The following USP6NL variants were observed in gnomAD, a reference collection of about 807,000 sequenced individuals.
The protein encoded by USP6NL is USP6 N-terminal like, also known as USP6 N-terminal-like protein.
A neutral mutation model predicts 61.9 loss-of-function variants in USP6NL; 26 were observed. The observed-to-expected ratio is 0.42, with a 90% confidence interval of 0.31 to 0.58. The LOEUF (loss-of-function observed/expected upper bound fraction) is 0.58, where lower values mean the gene tolerates loss of function less well. Among genes scored for constraint, USP6NL ranks in the 20% least tolerant of loss-of-function variants. The pLI, the probability that USP6NL is intolerant of heterozygous loss-of-function variation, is 0.16. For synonymous variants in USP6NL, 432 were observed against 390.1 expected (o/e 1.11, Z -1.27); for missense variants, 1,114 against 1,034.3 (o/e 1.08, Z -1.06).
chr10:11,519,769 A>T (rs1200517544), intron 4 of USP6NL, among the ~76,000 whole-genome samples: 1 of 152,258 alleles, frequency 6.6e-6, no homozygotes, highest in African/African-American at 2.4e-5. Context: ...AATATAAAAT[A>T]TTCTGAGATT....
chr10:11,567,419 T>C (rs1837203473), intron 2 of USP6NL, among the ~76,000 whole-genome samples: 1 of 152,204 alleles, frequency 6.6e-6, no homozygotes, highest in Non-Finnish European at 1.5e-5. Flanking sequence ...TTACAACCTG[T>C]ACTAAATACA....
chr10:11,515,062 G>A (rs1451926401), intron 5 of USP6NL, among the ~76,000 whole-genome samples: 1 of 152,108 alleles, frequency 6.6e-6, no homozygotes, highest in Non-Finnish European at 1.5e-5. Context: ...CTCCTACTGG[G>A]GCAAAGAAGG....
rs536634959 is a variant in USP6NL, at chr10:11,479,634, G to A, written c.1078+2136C>T. On this transcript the variant is annotated intron_variant, in intron 14 of 14. Coordinates refer to ENST00000609104, the MANE Select transcript of USP6NL (RefSeq NM_014688.5). ...TTTGTCGCCCAGGTTGGAGCGCAGT[G>A]ACGCGATCTCAGCTCACTGAAAGCT... Among the ~76,000 whole-genome samples, 62 of 148,314 alleles carry A rather than the reference G, an allele frequency of 4.2e-4. 1 individual carries two copies. In the South Asian group the frequency reaches 0.011, roughly 26 times the overall value.
chr10:11,542,645 G>A (rs1164837508), intron 2 of USP6NL, among the ~76,000 whole-genome samples: 4 of 152,134 alleles, frequency 2.6e-5, no homozygotes, highest in African/African-American at 9.7e-5. Flanking sequence ...CCTGAACCCG[G>A]GAGACAGAGT....
At chr10:11,522,236 G>T in intron 4 of USP6NL, among the ~76,000 whole-genome samples, 1 of 152,138 alleles carries the variant, frequency 6.6e-6, no homozygotes, top group East Asian at 1.9e-4. Context: ...ATAAACTCAG[G>T]CAACAAAGGT....
intron 7 of USP6NL, among the ~76,000 whole-genome samples, chr10:11,500,083 T>C (rs1591849397): frequency 6.6e-6 from 1 of 152,134 alleles, no homozygotes; most frequent in African/African-American, 2.4e-5. Flanking sequence ...AACCAAATAA[T>C]GCATGTTCTC....
In USP6NL at chr10:11,598,208, T is replaced by G. The variant is rs930717346; in HGVS notation, c.-83-491A>C. On this transcript the variant is annotated intron_variant, in intron 1 of 14. Transcript: ENST00000609104. This position sits in a 1 kb window ranked among gnomAD's most constrained non-coding sequence, Gnocchi z 4.7. ...TCTTCATTATAAAAGTAATATGGGT[T>G]CATTGTTTTAAAAACAAAAAGAATA... Among the ~76,000 whole-genome samples, 11 of 152,240 alleles carry G rather than the reference T, an allele frequency of 7.2e-5. No homozygotes were observed. The highest frequency in any genetic ancestry group is 2.7e-4 in the African/African-American group (11 of 41,470).
At chr10:11,549,873 CTAAATTA>C (rs1432642790) in intron 2 of USP6NL, among the ~76,000 whole-genome samples, 1 of 152,124 alleles carries the variant, frequency 6.6e-6, no homozygotes, top group Non-Finnish European at 1.5e-5. Context: ...CCACAACCTC[CTAAATTA>C]TATAGTACTC....
At position 11,608,149 on chromosome 10, in the gene USP6NL, T is replaced by C. The variant is rs372904203; in HGVS notation, c.-84+3294A>G. ...CAAAATGAAACCAAGACTATCCTGATATTACAAAGCATCTCTGTAAGTAAA... is the reference window on the plus strand; with the variant it reads ...CAAAATGAAACCAAGACTATCCTGACATTACAAAGCATCTCTGTAAGTAAA... On this transcript the variant is annotated intron_variant, in intron 1 of 14. Coordinates refer to ENST00000609104, the MANE Select transcript of USP6NL (RefSeq NM_014688.5). Among the ~76,000 whole-genome samples the C allele has an allele frequency of 3.9e-5, 6 of 152,358 alleles. No homozygotes were observed. In the South Asian group the frequency reaches 6.2e-4, roughly 16 times the overall value.
At chr10:11,493,089 T>A (rs1221714137) in intron 8 of USP6NL, 30 bp downstream of exon 8, 1 of 1,537,266 alleles carries the variant, frequency 6.5e-7, no homozygotes, top group Non-Finnish European at 8.9e-7. Context: ...TAAATGCGAT[T>A]AACATTTCAT....
At chr10:11,542,475 T>C (rs935801702) in intron 2 of USP6NL, among the ~76,000 whole-genome samples, 4 of 152,090 alleles carry the variant, frequency 2.6e-5, no homozygotes, top group African/African-American at 9.7e-5. Context: ...TCCCAGCACT[T>C]TGGGAGGCCG....
chr10:11,529,264 C>T (rs1481239007), intron 2 of USP6NL, among the ~76,000 whole-genome samples: 1 of 152,108 alleles, frequency 6.6e-6, no homozygotes, highest in Non-Finnish European at 1.5e-5. Context: ...CCAAAAAATG[C>T]ACTGATAATA....
intron 2 of USP6NL, among the ~76,000 whole-genome samples, chr10:11,582,503 C>CA (rs978746310): frequency 1.3e-5 from 2 of 152,270 alleles, no homozygotes; most frequent in Non-Finnish European, 2.9e-5. Context: ...CACATTACTA[C>CA]AAAAAATAAA....
Position 11,589,226 on chromosome 10 carries a change from A to G in USP6NL, c.4+8405T>C, listed in dbSNP as rs1238456198. 2.6e-5 allele frequency among the ~76,000 whole-genome samples: 4 copies of G among 152,238 alleles called. No homozygotes were observed. Among genetic ancestry groups the G allele is most frequent in the Admixed American group, 2.6e-4 (4 of 15,278 alleles). Reference sequence around the variant, plus strand: ...CAACAAAATACATCCTACTAGTCACATTATAGTGGTCTGAATTAACCACTT... The same window carrying G: ...CAACAAAATACATCCTACTAGTCACGTTATAGTGGTCTGAATTAACCACTT... On this transcript the variant is annotated intron_variant, in intron 2 of 14. Transcript: ENST00000609104. The surrounding 1 kb of genome is among the most constrained non-coding windows in gnomAD (Gnocchi z 4.7).
intron 2 of USP6NL, among the ~76,000 whole-genome samples, chr10:11,547,579 G>C (rs557503573): frequency 1.4e-5 from 2 of 141,072 alleles, no homozygotes; most frequent in Non-Finnish European, 1.5e-5. Flanking sequence ...TCACTCTGTC[G>C]CCCACGCTGA....
chr10:11,464,978 T>C (rs1291679282), intron 14 of USP6NL, among the ~76,000 whole-genome samples: 1 of 152,044 alleles, frequency 6.6e-6, no homozygotes, highest in Non-Finnish European at 1.5e-5. Flanking sequence ...AAAGTAGCAA[T>C]AAAAATAAAA....
chr10:11,553,603 A>T lies in USP6NL; in HGVS notation c.5-26036T>A, dbSNP rs1245541715. Among the ~76,000 whole-genome samples, 1 of 152,186 alleles carries T rather than the reference A, an allele frequency of 6.6e-6. No homozygotes were observed. The highest frequency in any genetic ancestry group is 1.5e-5 in the Non-Finnish European group (1 of 68,020). On this transcript the variant is annotated intron_variant, in intron 2 of 14. Transcript: ENST00000609104. This position sits in a 1 kb window ranked among gnomAD's most constrained non-coding sequence, Gnocchi z 4.8. ...GATTTGTCTCAGTATAACAAAAAAT[A>T]GCAAGATTAGGCTGGGTGTGGTGGC...
intron 2 of USP6NL, among the ~76,000 whole-genome samples, chr10:11,571,141 T>C (rs940736874): frequency 6.6e-6 from 1 of 151,518 alleles, no homozygotes; most frequent in Admixed American, 6.6e-5. Flanking sequence ...TGGAGTGCAA[T>C]GGCGCAATCT....
In USP6NL at chr10:11,553,704, T is replaced by C. The variant is rs1836577662; in HGVS notation, c.5-26137A>G. ...GAGGTCAGGAGTTAAGAGACCAGCCTGACCAACATGATGAAACCCCGTCTC... is the reference window on the plus strand; with the variant it reads ...GAGGTCAGGAGTTAAGAGACCAGCCCGACCAACATGATGAAACCCCGTCTC... On this transcript the variant is annotated intron_variant, in intron 2 of 14. Coordinates refer to ENST00000609104, the MANE Select transcript of USP6NL (RefSeq NM_014688.5). The surrounding 1 kb of genome is among the most constrained non-coding windows in gnomAD (Gnocchi z 4.8). Among the ~76,000 whole-genome samples, 1 of 152,000 alleles carries C rather than the reference T, an allele frequency of 6.6e-6. No homozygotes were observed. The highest frequency in any genetic ancestry group is 1.5e-5 in the Non-Finnish European group (1 of 67,996).
Sources: gnomAD v4.1 joint callset for allele counts (sites outside exome capture counted in the v4.1 genomes callset) on GRCh38, gnomAD v4.1.1 for gene constraint, Gnocchi (gnomAD v3.1) non-coding constraint, MANE v1.5 for transcripts, NCBI Gene and HGNC (gene_info 2026-07-23, HGNC 2026-07-21) for gene names.